Variants in DLC1 observed in about 807,000 individuals in gnomAD.
DLC1 encodes rho GTPase-activating protein 7.
A neutral mutation model predicts 140.3 loss-of-function variants in DLC1; 54 were observed. The observed-to-expected ratio is 0.38, with a 90% CI of 0.31 to 0.48. The LOEUF (loss-of-function observed/expected upper bound fraction) is 0.48, where lower values mean the gene tolerates loss of function less well. DLC1 is among the 20% of genes least tolerant of loss of function. DLC1 has a pLI of 0.96. For synonymous variants in DLC1, 986 were observed against 728.1 expected, an observed-to-expected ratio of 1.35 and a Z score of -5.70; for missense variants, 2,536 against 1,907.0, an observed-to-expected ratio of 1.33 and a Z score of -6.14.
At position 13,375,645 on chromosome 8, in the gene DLC1, C is replaced by G. The variant is rs563944620; in HGVS notation, c.1314+17908G>C. Among the ~76,000 whole-genome samples the G allele has an allele frequency of 4.2e-3, 640 of 152,190 alleles. 7 individuals are homozygous for G. Among genetic ancestry groups the G allele is most frequent in the Middle Eastern group, 0.01 (3 of 294 alleles). On this transcript the variant is annotated intron_variant, in intron 4 of 17. Transcript: ENST00000276297. The stretch of plus-strand genomic sequence containing the variant: ...ATTCAGTATGATATTGGCTGTGGGT[C>G]TGTCATAAATAGCTCTTATTATTTT...
At chr8:13,583,321 T>C (rs543584068) in intron 1 of DLC1, among the ~76,000 whole-genome samples, 9 of 152,302 alleles carry the variant, frequency 5.9e-5, no homozygotes, top group African/African-American at 2.2e-4. Context: ...ATCACAACAA[T>C]TTTCACAGCA....
chr8:13,441,252 A>T (rs1798497423), intron 2 of DLC1, among the ~76,000 whole-genome samples: 1 of 152,338 alleles, frequency 6.6e-6, no homozygotes, highest in South Asian at 2.1e-4. Context: ...AGCCAATATT[A>T]TACTGCATGG....
intron 5 of DLC1, among the ~76,000 whole-genome samples, chr8:13,161,322 T>C (rs1824679811): frequency 6.7e-6 from 1 of 149,144 alleles, no homozygotes; most frequent in African/African-American, 2.4e-5. Context: ...TCAGCGTCAT[T>C]TGTGGGTTTT....
At chr8:13,095,617 A>G in intron 10 of DLC1, 1 of 203,430 alleles carries the variant, frequency 4.9e-6, no homozygotes, top group Admixed American at 5.1e-5. Flanking sequence ...TACAGTCTTA[A>G]GGAAGCTGAT....
At chr8:13,582,878 CTATATA>C (rs55681527) in intron 1 of DLC1, among the ~76,000 whole-genome samples, 3,878 of 102,826 alleles carry the variant, frequency 0.038, 89 homozygotes, top group East Asian at 0.05. Flanking sequence ...ATACTGTGGT[CTATATA>C]TATATATATA....
chr8:13,198,404 C>G (rs1357157806), intron 5 of DLC1, among the ~76,000 whole-genome samples: 1 of 152,262 alleles, frequency 6.6e-6, no homozygotes, highest in Non-Finnish European at 1.5e-5. Flanking sequence ...AACAAAAGCT[C>G]TCGATCTTCT....
At chr8:13,553,652 C>T (rs1803941060) in intron 1 of DLC1, among the ~76,000 whole-genome samples, 1 of 151,874 alleles carries the variant, frequency 6.6e-6, no homozygotes, top group African/African-American at 2.4e-5. Flanking sequence ...TGCTCTCAGC[C>T]TCTCCATTTT....
chr8:13,498,971 C>T (rs1293931794), intron 2 of DLC1, 78 bp downstream of exon 2: 2 of 1,474,186 alleles, frequency 1.4e-6, no homozygotes, highest in South Asian at 2.9e-5. Flanking sequence ...TCTTTTTAAT[C>T]CAAGCAAAAT....
intron 2 of DLC1, among the ~76,000 whole-genome samples, chr8:13,471,362 A>G (rs1431355672): frequency 6.6e-6 from 1 of 152,068 alleles, no homozygotes; most frequent in East Asian, 1.9e-4. Context: ...TATGTTAATT[A>G]GATTGATTGT....
chr8:13,188,801 G>GTGTATA (rs1293675412), intron 5 of DLC1, among the ~76,000 whole-genome samples: 13 of 71,894 alleles, frequency 1.8e-4, no homozygotes, highest in African/African-American at 7.3e-4. Context: ...GTGTGTGTGT[G>GTGTATA]TATATATATA....
At chr8:13,600,810 T>C (rs982305901) in intron 1 of DLC1, among the ~76,000 whole-genome samples, 1 of 151,838 alleles carries the variant, frequency 6.6e-6, no homozygotes, top group African/African-American at 2.4e-5. Flanking sequence ...AATATACAAG[T>C]GTAGATTTAT....
intron 5 of DLC1, among the ~76,000 whole-genome samples, chr8:13,267,729 AGTGTGTGTGTGTGTGTGTGTGT>A (rs58701617): frequency 7.1e-6 from 1 of 140,404 alleles, no homozygotes; most frequent in African/African-American, 2.6e-5. Flanking sequence ...ATTCCTGAGG[AGTGTGTGTGTGTGTGTGTGTGT>A]GTGTGTGTGT....
chr8:13,397,794 G>C (rs544411130), intron 3 of DLC1, among the ~76,000 whole-genome samples: 1 of 151,848 alleles, frequency 6.6e-6, no homozygotes. Flanking sequence ...TATTGTGCCA[G>C]TGCACTCCAG....
intron 2 of DLC1, among the ~76,000 whole-genome samples, chr8:13,407,461 A>G (rs1837618380): frequency 6.6e-6 from 1 of 152,154 alleles, no homozygotes. Context: ...ATTACTGGAT[A>G]TTTTGCAGAC....
At chr8:13,418,149 T>C (rs1585073867) in intron 2 of DLC1, among the ~76,000 whole-genome samples, 1 of 152,342 alleles carries the variant, frequency 6.6e-6, no homozygotes, top group Middle Eastern at 3.4e-3. Flanking sequence ...GAAAATTTTC[T>C]CCCATTTTGT....
In DLC1 at chr8:13,085,935, T is replaced by C. The variant is rs1417464919; in HGVS notation, c.4467-4A>G. 1 of 1,611,802 alleles carries C rather than the reference T, an allele frequency of 6.2e-7. No individual in the cohort carries two copies. Among genetic ancestry groups the C allele is most frequent in the Non-Finnish European group, 8.5e-7 (1 of 1,179,450 alleles). ...GTACCATTCTGGCATGTGGCCCCTA[T>C]CAGAGAAAAGAAAGAAAAGCTGATG... On this transcript the variant is annotated splice_polypyrimidine_tract_variant and splice_region_variant and intron_variant, in intron 17 of 17. Transcript: ENST00000276297.
Position 13,362,251 on chromosome 8 carries a change from C to G in DLC1, c.1314+31302G>C, listed in dbSNP as rs187905964. Among the ~76,000 whole-genome samples, 354 of 152,264 alleles carry G rather than the reference C, an allele frequency of 2.3e-3. 7 individuals are homozygous for G. Among genetic ancestry groups the G allele is most frequent in the East Asian group, 1.9e-3 (10 of 5,180 alleles). ...AGGATGTGGAAGCTGAGCAATACAG[C>G]TTAGATGACTTACTGGAAGTTCACC... On this transcript the variant is annotated intron_variant, in intron 4 of 17. Transcript: ENST00000276297.
chr8:13,419,528 G>T (rs142630586), intron 2 of DLC1, among the ~76,000 whole-genome samples: 1 of 152,070 alleles, frequency 6.6e-6, no homozygotes, highest in Non-Finnish European at 1.5e-5. Flanking sequence ...ATTGATTTGC[G>T]TATATTGAAC....
chr8:13,294,769 G>A (rs915203246), intron 5 of DLC1, among the ~76,000 whole-genome samples: 4 of 152,136 alleles, frequency 2.6e-5, no homozygotes, highest in Non-Finnish European at 5.9e-5. Context: ...AGCATGCACC[G>A]TTGTCTGCAT....
Sources: allele counts gnomAD v4.1 joint callset (sites outside exome capture counted in the v4.1 genomes callset), GRCh38; gene constraint gnomAD v4.1.1; transcripts MANE v1.5; gene names NCBI Gene and HGNC (gene_info 2026-07-23, HGNC 2026-07-21).